Variants in DLG2 observed in about 807,000 individuals in gnomAD.
DLG2 encodes the protein discs large MAGUK scaffold protein 2.
In DLG2, 45 loss-of-function variants were observed where a neutral mutation model predicts 132.5. The ratio of observed to expected loss-of-function variants is 0.34; its 90% CI spans 0.27 to 0.44. The LOEUF is 0.44. DLG2 is among the 20% of genes least tolerant of loss of function. The pLI, the probability that DLG2 is intolerant of heterozygous loss-of-function variation, is 1.00. For missense variants in DLG2, 1,045 were observed against 1,196.9 expected, an observed-to-expected ratio of 0.87 and a Z score of 1.87; for synonymous variants, 424 against 419.6, an observed-to-expected ratio of 1.01 and a Z score of -0.13.
At chr11:84,286,617 A>G (rs866079773) in intron 7 of DLG2, among the ~76,000 whole-genome samples, 84 of 152,316 alleles carry the variant, frequency 5.5e-4, no homozygotes, top group Middle Eastern at 3.4e-3. Flanking sequence ...ATGCTAATGC[A>G]CTTCCATGTT....
intron 18 of DLG2, among the ~76,000 whole-genome samples, chr11:83,753,674 GATAT>G (rs1205657603): frequency 7.2e-6 from 1 of 139,080 alleles, no homozygotes; most frequent in Non-Finnish European, 1.5e-5. Context: ...ATTTTAAATT[GATAT>G]ATATATCAAT....
At chr11:85,599,420 G>C (rs570052667) in intron 2 of DLG2, among the ~76,000 whole-genome samples, 13 of 151,190 alleles carry the variant, frequency 8.6e-5, no homozygotes, top group Non-Finnish European at 1.9e-4. Flanking sequence ...CTCTGTGCTG[G>C]TATTTCTTCC....
rs116620407 is a variant in DLG2, at chr11:84,743,707, C to T, written c.358-208976G>A. 5.5e-3 allele frequency among the ~76,000 whole-genome samples: 830 copies of T among 151,856 alleles called. 7 individuals are homozygous for T. Among genetic ancestry groups the T allele is most frequent in the South Asian group, 0.019 (92 of 4,794 alleles). ...TGAGTTTCAAGTAGAGAATGACATG[C>T]GCCAAGAAAGTCTAACATACTGAAG... On this transcript the variant is annotated intron_variant, in intron 6 of 27. Transcript: ENST00000376104.
At chr11:83,616,733 A>G (rs1394671350) in intron 19 of DLG2, among the ~76,000 whole-genome samples, 5 of 152,148 alleles carry the variant, frequency 3.3e-5, no homozygotes, top group Non-Finnish European at 5.9e-5. Context: ...TCACACACTT[A>G]GGAAGTTATT....
intron 5 of DLG2, among the ~76,000 whole-genome samples, chr11:85,130,623 G>A (rs2075618785): frequency 6.6e-6 from 1 of 152,190 alleles, no homozygotes; most frequent in South Asian, 2.1e-4. Context: ...CTTCTGTAAA[G>A]CAATAATTGA....
intron 6 of DLG2, among the ~76,000 whole-genome samples, chr11:84,588,793 A>C (rs10400370): frequency 0.15 from 22,344 of 151,744 alleles, 1,848 homozygotes; most frequent in African/African-American, 0.22. Context: ...AAAAAAAAAA[A>C]AAAACAAAAT....
intron 10 of DLG2, among the ~76,000 whole-genome samples, chr11:84,092,511 C>T (rs996060706): frequency 6.6e-6 from 1 of 152,146 alleles, no homozygotes; most frequent in Non-Finnish European, 1.5e-5. Flanking sequence ...GTCTTTGACT[C>T]CAAATATTGT....
intron 7 of DLG2, among the ~76,000 whole-genome samples, chr11:84,446,884 T>C (rs2099036760): frequency 6.6e-6 from 1 of 152,114 alleles, no homozygotes; most frequent in Admixed American, 6.5e-5. Context: ...GATACCATAG[T>C]CAGTTCAGGA....
chr11:84,280,867 A>ATTTTTTTTTTT (rs35970331), intron 7 of DLG2, among the ~76,000 whole-genome samples: 24 of 67,700 alleles, frequency 3.5e-4, no homozygotes, highest in Non-Finnish European at 4.5e-4. Flanking sequence ...TGCCCAGCCA[A>ATTTTTTTTTTT]TTTTTTTTTT....
chr11:83,716,393 T>C (rs1424289849), intron 18 of DLG2, among the ~76,000 whole-genome samples: 1 of 152,158 alleles, frequency 6.6e-6, no homozygotes, highest in Non-Finnish European at 1.5e-5. Flanking sequence ...ACTTAACCAG[T>C]GGAATTAACA....
At chr11:84,483,515 C>T (rs28680171) in intron 7 of DLG2, among the ~76,000 whole-genome samples, 1 of 150,876 alleles carries the variant, frequency 6.6e-6, no homozygotes, top group Non-Finnish European at 1.5e-5. Context: ...AATGAGGAAG[C>T]TGAAACTACT....
chr11:84,004,522 G>T (rs2094490412), intron 11 of DLG2, among the ~76,000 whole-genome samples: 1 of 151,842 alleles, frequency 6.6e-6, no homozygotes, highest in Non-Finnish European at 1.5e-5. Flanking sequence ...CTAATAACTG[G>T]AACAAGATAA....
chr11:84,099,518 G>T (rs552975977), intron 9 of DLG2, among the ~76,000 whole-genome samples: 2 of 151,910 alleles, frequency 1.3e-5, no homozygotes, highest in South Asian at 4.2e-4. Flanking sequence ...GTCAAATAAT[G>T]TGTTTCTAAG....
intron 6 of DLG2, among the ~76,000 whole-genome samples, chr11:85,059,585 G>A (rs1179573963): frequency 6.6e-6 from 1 of 151,616 alleles, no homozygotes; most frequent in Non-Finnish European, 1.5e-5. Flanking sequence ...GGGATAAAGT[G>A]CAATAACAGT....
intron 4 of DLG2, among the ~76,000 whole-genome samples, chr11:85,277,480 G>A (rs2077963736): frequency 6.6e-6 from 1 of 151,980 alleles, no homozygotes; most frequent in Non-Finnish European, 1.5e-5. Context: ...AAAAATATTA[G>A]GTAGAAAACC....
intron 6 of DLG2, among the ~76,000 whole-genome samples, chr11:84,725,126 C>T (rs2062275857): frequency 6.6e-6 from 1 of 152,062 alleles, no homozygotes; most frequent in Non-Finnish European, 1.5e-5. Flanking sequence ...ATTCGAGTGA[C>T]AGAATTGAGA....
At chr11:84,636,051 T>G (rs1452970597) in intron 6 of DLG2, among the ~76,000 whole-genome samples, 1 of 152,230 alleles carries the variant, frequency 6.6e-6, no homozygotes, top group Non-Finnish European at 1.5e-5. Flanking sequence ...GGAGGAACCA[T>G]GTTGGTGTTT....
chr11:84,271,950 A>AAAAAAAAAC, intron 7 of DLG2, among the ~76,000 whole-genome samples: 1 of 4,324 alleles, frequency 2.3e-4, no homozygotes, highest in East Asian at 4.8e-3. Context: ...TGATAATAAC[A>AAAAAAAAAC]AAAAAAAAAA....
chr11:83,713,207 A>G (rs2085895243), intron 18 of DLG2, among the ~76,000 whole-genome samples: 1 of 152,196 alleles, frequency 6.6e-6, no homozygotes, highest in Non-Finnish European at 1.5e-5. Context: ...AAAAGATCTC[A>G]TCATTGGGGA....
Sources: allele counts gnomAD v4.1 joint callset (sites outside exome capture counted in the v4.1 genomes callset), GRCh38; gene constraint gnomAD v4.1.1; transcripts MANE v1.5; gene names NCBI Gene and HGNC (gene_info 2026-07-23, HGNC 2026-07-21).